MUC4: variants seen among roughly 807,000 people sequenced by gnomAD.
MUC4 encodes the protein mucin 4, cell surface associated, also known as mucin-4.
A neutral mutation model predicts 257.9 loss-of-function variants in MUC4; 202 were observed. The observed-to-expected ratio is 0.78, with a 90% CI of 0.70 to 0.88. The LOEUF (loss-of-function observed/expected upper bound fraction) is 0.88, where lower values mean the gene tolerates loss of function less well. MUC4 is among the 40% of genes least tolerant of loss of function. The probability of loss-of-function intolerance (pLI) is 0.00; values close to 1 mark genes in which losing one functional copy is unlikely to be tolerated. For missense variants in MUC4, 5,976 were observed against 6,513.7 expected (o/e 0.92, Z 2.84); for synonymous variants, 2,351 against 2,757.1 (o/e 0.85, Z 4.62).
chr3:195,775,950 C>G (rs1486534753), intron 3 of MUC4, among the ~76,000 whole-genome samples: 2 of 36,506 alleles, frequency 5.5e-5, no homozygotes, highest in Admixed American at 2.5e-4. Context: ...CCTTCCACAC[C>G]CATACCTTCC....
In MUC4 at chr3:195,747,232, C is replaced by A. The variant is rs767267345; in HGVS notation, c.16183G>T (p.Gly5395Cys). 6.2e-7 allele frequency: 1 copy of A among 1,614,276 alleles called. No homozygotes were observed. Among genetic ancestry groups the A allele is most frequent in the Admixed American group, 1.7e-5 (1 of 60,038 alleles). ...VGTFVVLRFW[G>C]CSGARFSYFL... ...TAGGAGAACCTGGCCCCGGAGCAAC[C>A]CCAGAAGCGCAGGACCACGAACGTC... The change falls in exon 25 of 25, where the codon GGT becomes TGT. Residue 5395 changes from glycine (G) to cysteine (C), a missense_variant. Coordinates refer to ENST00000463781, the MANE Select transcript of MUC4 (RefSeq NM_018406.7).
chr3:195,789,803 C>T lies in MUC4; in HGVS notation c.1777G>A (p.Ala593Thr), dbSNP rs759575824. The T allele has an allele frequency of 8.9e-5, 143 of 1,613,800 alleles. No individual in the cohort carries two copies. Among genetic ancestry groups the T allele is most frequent in the Non-Finnish European group, 1.2e-4 (140 of 1,179,876 alleles). Residue 593 changes from alanine to threonine, a missense_variant, in exon 2 of 25, where the codon GCC (alanine) becomes ACC (threonine). Around this residue, in one of 44 missense-constraint regions of MUC4, gnomAD observed 1,583 missense variants for 1,257.4 expected, o/e 1.26. Transcript: ENST00000463781. ...SYSVTQMIKT[A>T]TSPSSSPMLD... ...ATAGGTGAAGAAGATGGGGATGTGG[C>T]CGTTTTTATCATCTGAGTCACACTG... is the stretch of plus-strand genomic sequence containing the variant.
intron 19 of MUC4, 113 bp from the exon 20 acceptor site, chr3:195,753,343 G>A (rs1716863238): frequency 2.7e-6 from 3 of 1,094,582 alleles, no homozygotes; most frequent in Non-Finnish European, 4.0e-6. Flanking sequence ...TCCACTTCGG[G>A]CCACTCGGAA....
chr3:195,758,573 C>CTTTTTTTTTTTTTTTTTTTTTG (rs55860315), intron 17 of MUC4, among the ~76,000 whole-genome samples: 1 of 126,478 alleles, frequency 7.9e-6, no homozygotes, highest in East Asian at 2.3e-4. Context: ...ATCTTCAAAT[C>CTTTTTTTTTTTTTTTTTTTTTG]TTTTTTTTGA....
Position 195,782,056 on chromosome 3 carries a change from G to C in MUC4, c.9524C>G (p.Ser3175Cys). 7.0e-7 allele frequency: 1 copy of C among 1,427,580 alleles called. No homozygotes were observed. Among genetic ancestry groups the C allele is most frequent in the East Asian group, 3.3e-5 (1 of 30,120 alleles). The allele number at this position is 1,427,580 out of a possible 1,614,324, so 88.4% of individuals were successfully genotyped here. ...QATPLPVTSLSSVSTGDTTPL... is the reference protein window; with the variant it reads ...QATPLPVTSLCSVSTGDTTPL... ...CGTGGTGTCACCTGTGGATACTGAG[G>C]AAAGGCTGGTGACAGGAAGAGGGGT... Residue 3175 changes from serine to cysteine, a missense_variant, in exon 2 of 25, where the codon TCC (serine) becomes TGC (cysteine). Around this residue, in one of 44 missense-constraint regions of MUC4, gnomAD observed 128 missense variants for 104.8 expected, o/e 1.22. Coordinates refer to ENST00000463781, the MANE Select transcript of MUC4 (RefSeq NM_018406.7).
rs576812500 is a variant in MUC4, at chr3:195,769,055, C to G, written c.13496G>C (p.Arg4499Pro). 6.2e-7 allele frequency: 1 copy of G among 1,613,972 alleles called. No individual in the cohort carries two copies. Among genetic ancestry groups the G allele is most frequent in the Admixed American group, 1.7e-5 (1 of 60,022 alleles). The change falls in exon 7 of 25, where the codon CGC becomes CCC. Residue 4499 changes from arginine to proline, a missense_variant. Around this residue, in one of 44 missense-constraint regions of MUC4, gnomAD observed 996 missense variants for 1,137.3 expected, o/e 0.88. Coordinates refer to ENST00000463781, the MANE Select transcript of MUC4 (RefSeq NM_018406.7). ...SGGMQWDVAQRSGNPVLMGFS... is the reference protein window; with the variant it reads ...SGGMQWDVAQPSGNPVLMGFS... ...GCCCATGAGCACCGGGTTGCCTGAGCGCTGGGCCACGTCCCACTGCATCCC... is the reference window on the plus strand; with the variant it reads ...GCCCATGAGCACCGGGTTGCCTGAGGGCTGGGCCACGTCCCACTGCATCCC...
At chr3:195,772,824 T>TCTCCATCGCTCAGGGGTGTGGACACC (rs1723334297) in intron 4 of MUC4, among the ~76,000 whole-genome samples, 26 of 53,284 alleles carry the variant, frequency 4.9e-4, no homozygotes, top group African/African-American at 1.6e-3. Context: ...GTAGACACCC[T>TCTCCATCGCTCAGGGGTGTGGACACC]CTCTCCATCG....
chr3:195,780,219 T>A lies in MUC4; in HGVS notation c.11361A>T (p.Thr3787=), dbSNP rs748455474. Residue 3787 remains threonine (T), a synonymous_variant, in exon 2 of 25, where the codon ACA becomes ACT. Coordinates refer to ENST00000463781, the MANE Select transcript of MUC4 (RefSeq NM_018406.7). The stretch of plus-strand genomic sequence containing the variant: ...TGACAGGAAGAGGGGTGGTGTCACC[T>A]GTGGATGCTGAGGAAGCGTCGGTGA... ...LPVTDASSAS[T]GDTTPLPVTD... is the part of the protein sequence containing the mutation. 102 of 1,477,184 alleles carry A rather than the reference T, an allele frequency of 6.9e-5. No homozygotes were observed. The South Asian group carries it at 1.2e-3, about 17-fold the overall frequency. 91.5% of individuals were successfully genotyped at this position (1,477,184 alleles called of 1,614,324 possible).
At chr3:195,777,899 G>GCCATACCTTCCACAC (rs1560290048) in intron 3 of MUC4, among the ~76,000 whole-genome samples, 4 of 32,010 alleles carry the variant, frequency 1.2e-4, no homozygotes, top group South Asian at 7.1e-4. Context: ...ACCTTCCACA[G>GCCATACCTTCCACAC]CCATACCTTC....
rs773495357 is a variant in MUC4 at position 195,786,165 on chromosome 3, C to T, written c.5415G>A (p.Gln1805=). The T allele has an allele frequency of 3.4e-6, 5 of 1,465,194 alleles. No homozygotes were observed. The highest frequency in any genetic ancestry group is 4.6e-5 in the Admixed American group (2 of 43,378). 90.8% of individuals were successfully genotyped at this position (1,465,194 alleles called of 1,614,324 possible). ...GGCTGGTGACAGGAAGAGGGATGGCCTGACCTGTGGATGCCGAGGAAACGT... is the reference window on the plus strand; with the variant it reads ...GGCTGGTGACAGGAAGAGGGATGGCTTGACCTGTGGATGCCGAGGAAACGT... The part of the protein sequence containing the change: ...VTDVSSASTG[Q]AIPLPVTSPS... The change falls in exon 2 of 25, where the codon CAG becomes CAA. Residue 1805 remains glutamine, a synonymous_variant. Coordinates refer to ENST00000463781, the MANE Select transcript of MUC4 (RefSeq NM_018406.7).
At chr3:195,754,447 C>A in intron 18 of MUC4, 75 bp from the exon 19 acceptor site, 1 of 1,517,664 alleles carries the variant, frequency 6.6e-7, no homozygotes, top group Non-Finnish European at 8.9e-7. Flanking sequence ...CTGACTGACC[C>A]CTTTGGCCTG....
rs1446198182 is a variant in MUC4, at chr3:195,788,891, A to G, written c.2689T>C (p.Ser897Pro). 1.9e-6 allele frequency: 3 copies of G among 1,613,452 alleles called. No individual in the cohort carries two copies. The South Asian group carries it at 3.3e-5, about 18-fold the overall frequency. Reference sequence around the variant, plus strand: ...GAAATGGCGGCTGTCTCCTGAGGAGAGGCACTGGGAGAAGTTGGGCTTGAC... The same window carrying G: ...GAAATGGCGGCTGTCTCCTGAGGAGGGGCACTGGGAGAAGTTGGGCTTGAC... The part of the protein sequence containing the change: ...GQSSPTSPSA[S>P]PQETAAISRM... Residue 897 changes from serine (S) to proline (P), a missense_variant, in exon 2 of 25, where the codon TCT (serine) becomes CCT (proline). Transcript: ENST00000463781.
rs71622463 is a variant in MUC4, at chr3:195,754,870, AATGTATGTATCC to A, written c.15169-510_15169-499del. 8.4e-3 allele frequency among the ~76,000 whole-genome samples: 322 copies of A among 38,162 alleles called. 4 individuals are homozygous for A. The highest frequency in any genetic ancestry group is 0.016 in the African/African-American group (228 of 14,252). The allele number at this position is 38,162 out of a possible 152,430, so 25.0% of individuals were successfully genotyped here. ...GTATGTATCCATGTAGATATGTATCAATGTATGTATCCATGTATGTATCCATGTATGTATGTG... is the reference window on the plus strand; with the variant it reads ...GTATGTATCCATGTAGATATGTATCAATGTATGTATCCATGTATGTATGTG... On this transcript the variant is annotated intron_variant, in intron 18 of 24. Transcript: ENST00000463781.
At chr3:195,773,894 A>G (rs962065131) in intron 4 of MUC4, among the ~76,000 whole-genome samples, 8 of 152,254 alleles carry the variant, frequency 5.3e-5, no homozygotes, top group African/African-American at 1.9e-4. Context: ...GACAAATCCC[A>G]GAAGGTGGAA....
chr3:195,763,600 C>T lies in MUC4; in HGVS notation c.14086G>A (p.Val4696Ile). Residue 4696 changes from valine to isoleucine, a missense_variant, in exon 12 of 25, where the codon GTC becomes ATC. This residue lies in a region of MUC4 where 996 missense variants were observed against 1,137.3 expected (regional missense o/e 0.88). Coordinates refer to ENST00000463781, the MANE Select transcript of MUC4 (RefSeq NM_018406.7). ...GDPHITTLDG[V>I]SYTFNGLGDF... The stretch of plus-strand genomic sequence containing the variant: ...CCCAGCCCATTGAAGGTGTAACTGA[C>T]ACCATCCAAGGTGGTGATGTGGGGG... 1 of 1,586,676 alleles carries T rather than the reference C, an allele frequency of 6.3e-7. No individual in the cohort carries two copies. Among genetic ancestry groups the T allele is most frequent in the Non-Finnish European group, 8.6e-7 (1 of 1,164,278 alleles).
rs754056726 is a variant in MUC4 at position 195,788,171 on chromosome 3, G to A, written c.3409C>T (p.Leu1137Phe). The A allele has an allele frequency of 6.8e-7, 1 of 1,471,062 alleles. No homozygotes were observed. Among genetic ancestry groups the A allele is most frequent in the Admixed American group, 2.1e-5 (1 of 48,242 alleles). 91.1% of individuals were successfully genotyped at this position (1,471,062 alleles called of 1,614,324 possible). A position where few individuals can be genotyped will look rare whatever the true frequency, so the allele number is the denominator to read the frequency against. The change falls in exon 2 of 25, where the codon CTT (leucine) becomes TTT (phenylalanine). Residue 1137 changes from leucine (L) to phenylalanine (F), a missense_variant. Physicochemically the swap from Leu to Phe is conservative, Grantham distance 22. Around this residue, in one of 44 missense-constraint regions of MUC4, gnomAD observed 11 missense variants for 41.1 expected, o/e 0.27. Transcript: ENST00000463781. ...ACTGAGGAAGTGTCGGTGACAGGAA[G>A]AGAGGTGGCGTGACCTGTGGATGCT... ...SSASTGHATS[L>F]PVTDTSSVST...
intron 19 of MUC4, 47 bp from the exon 20 acceptor site, chr3:195,753,277 G>T: frequency 6.3e-7 from 1 of 1,585,920 alleles, no homozygotes; most frequent in South Asian, 1.1e-5. Flanking sequence ...GGGCAGCAGA[G>T]GGACGGCCCA....
At chr3:195,770,689 T>G in intron 5 of MUC4, 1 of 456,804 alleles carries the variant, frequency 2.2e-6, no homozygotes. Context: ...TCCCCATGCC[T>G]AATCTGCAGC....
At chr3:195,767,865 ACAC>A (rs1304517614) in intron 7 of MUC4, among the ~76,000 whole-genome samples, 16 of 52,184 alleles carry the variant, frequency 3.1e-4, no homozygotes, top group African/African-American at 1.1e-3. Context: ...ATCACCCCCA[ACAC>A]CACCACCATC....
Sources: gnomAD v4.1 joint callset for allele counts (sites outside exome capture counted in the v4.1 genomes callset) on GRCh38, gnomAD v4.1.1 for gene constraint, gnomAD v4.1.1 regional missense constraint, MANE v1.5 for transcripts, NCBI Gene and HGNC (gene_info 2026-07-23, HGNC 2026-07-21) for gene names.